Variants in B3GALNT2 observed in about 807,000 individuals in gnomAD.
B3GALNT2 encodes beta-1,3-N-acetylgalactosaminyltransferase 2.
Under a neutral mutation model 61.1 loss-of-function variants are expected in B3GALNT2, and 53 were observed. The observed-to-expected ratio is 0.87, with a 90% confidence interval of 0.70 to 1.09. The LOEUF is 1.09. B3GALNT2 is among the 50% of genes least tolerant of loss of function. The pLI is 0.00. For missense variants in B3GALNT2, 544 were observed against 623.0 expected (o/e 0.87, Z 1.35); for synonymous variants, 223 against 237.4 (o/e 0.94, Z 0.56).
At chr1:235,455,715 T>A (rs1044997362) in intron 8 of B3GALNT2, 31 bp from the exon 9 acceptor site, 2 of 1,593,410 alleles carry the variant, frequency 1.3e-6, no homozygotes, top group Non-Finnish European at 1.7e-6. Context: ...AGAAAGTCAG[T>A]GCGACCAAAC....
At chr1:235,503,998 G>A in intron 1 of B3GALNT2, 143 bp downstream of exon 1, 1 of 945,042 alleles carries the variant, frequency 1.1e-6, no homozygotes, top group East Asian at 3.9e-5. Flanking sequence ...CTCCAAGGAT[G>A]AAAAGAGCCG....
chr1:235,477,038 AT>A (rs1485582313), intron 5 of B3GALNT2, among the ~76,000 whole-genome samples: 7 of 151,632 alleles, frequency 4.6e-5, no homozygotes, highest in Non-Finnish European at 8.8e-5. Flanking sequence ...AAAAAAAAAA[AT>A]AAGTAAATAA....
rs1683283961 is a variant in B3GALNT2 at position 235,458,783 on chromosome 1, CCTT to C, written c.842_844del (p.Glu281del). 1.3e-6 allele frequency: 2 copies of C among 1,577,910 alleles called. No individual in the cohort carries two copies. Among genetic ancestry groups the C allele is most frequent in the African/African-American group, 2.7e-5 (2 of 72,966 alleles). On this transcript the variant is annotated inframe_deletion and splice_region_variant, in exon 8 of 12. Transcript: ENST00000366600. The stretch of plus-strand genomic sequence containing the variant: ...ATGAAGGTTGTGTAAGAGAGCATCA[CCTT>C]CTATAAAGGAAAAGTTGAGAGTTGG...
At chr1:235,442,422 G>T (rs536034401), downstream of B3GALNT2, among the ~76,000 whole-genome samples, 2 of 152,116 alleles carry the variant, frequency 1.3e-5, no homozygotes, top group African/African-American at 4.8e-5. Context: ...CACCCGCCTC[G>T]GCCTCCCAAA....
rs916678249 is a variant in B3GALNT2 at position 235,447,435 on chromosome 1, A to G, written c.*2771T>C. On this transcript the variant is annotated 3_prime_UTR_variant, in exon 12 of 12. Coordinates refer to ENST00000366600, the MANE Select transcript of B3GALNT2 (RefSeq NM_152490.5). Reference sequence around the variant, plus strand: ...AACCCGTCTTTGGAAAGAAGTTCATAGTGTATTCTGAACAAACCAAAGCAT... The same window carrying G: ...AACCCGTCTTTGGAAAGAAGTTCATGGTGTATTCTGAACAAACCAAAGCAT... 1.8e-4 allele frequency among the ~76,000 whole-genome samples: 27 copies of G among 152,350 alleles called. No individual in the cohort carries two copies. Among genetic ancestry groups the G allele is most frequent in the African/African-American group, 6.5e-4 (27 of 41,582 alleles).
Position 235,484,531 on chromosome 1 carries a change from AG to A in B3GALNT2, c.362-17del, listed in dbSNP as rs1440435631. On this transcript the variant is annotated splice_polypyrimidine_tract_variant and intron_variant, in intron 3 of 11. Coordinates refer to ENST00000366600, the MANE Select transcript of B3GALNT2 (RefSeq NM_152490.5). ...TGATTCAAAACTAAGTAATGAGAAC[AG>A]GTTTATATAACTGAACAAATGTAAT... 2 of 1,611,950 alleles carry A rather than the reference AG, an allele frequency of 1.2e-6. No homozygotes were observed. The highest frequency in any genetic ancestry group is 1.7e-6 in the Non-Finnish European group (2 of 1,178,908).
intron 4 of B3GALNT2, among the ~76,000 whole-genome samples, chr1:235,482,660 A>C (rs557630026): frequency 6.6e-6 from 1 of 152,216 alleles, no homozygotes; most frequent in South Asian, 2.1e-4. Flanking sequence ...GAGTTCCTAC[A>C]ATGAATTATT....
intron 4 of B3GALNT2, among the ~76,000 whole-genome samples, chr1:235,481,125 T>C (rs1684547036): frequency 6.6e-6 from 1 of 152,050 alleles, no homozygotes. Context: ...TTATGTCTAT[T>C]TCTTTCATGA....
chr1:235,494,542 A>C, intron 2 of B3GALNT2, 139 bp downstream of exon 2: 1 of 894,738 alleles, frequency 1.1e-6, no homozygotes, highest in Non-Finnish European at 1.7e-6. Flanking sequence ...CTGCAGCCTC[A>C]ATTTTCCAAG....
At chr1:235,471,229 C>T (rs919606558) in intron 5 of B3GALNT2, among the ~76,000 whole-genome samples, 1 of 152,104 alleles carries the variant, frequency 6.6e-6, no homozygotes, top group Non-Finnish European at 1.5e-5. Context: ...AAAGCATTTC[C>T]TTATGTTGTT....
chr1:235,474,946 G>C (rs1684166057), intron 5 of B3GALNT2, among the ~76,000 whole-genome samples: 1 of 92,198 alleles, frequency 1.1e-5, no homozygotes, highest in Non-Finnish European at 2.0e-5. Flanking sequence ...CATAAAATTA[G>C]AGACATATAT....
chr1:235,466,529 A>AT (rs1440455444), intron 6 of B3GALNT2, among the ~76,000 whole-genome samples: 2 of 151,270 alleles, frequency 1.3e-5, no homozygotes, highest in African/African-American at 4.9e-5. Context: ...ATATTTATAA[A>AT]TTTTTTGTAG....
chr1:235,448,428 T>C lies in B3GALNT2; in HGVS notation c.*1778A>G. The C allele has an allele frequency of 6.2e-7, 1 of 1,614,078 alleles. No homozygotes were observed. On this transcript the variant is annotated 3_prime_UTR_variant, in exon 12 of 12. Transcript: ENST00000366600. ...CTGTGTCAGACCTTCTGTTGTCCTA[T>C]GAAAGTCCCAAAGTAAGTTGCCCAG...
Position 235,454,257 on chromosome 1 carries a change from T to G in B3GALNT2, c.1210A>C (p.Ser404Arg). Residue 404 changes from serine to arginine, a missense_variant, in exon 10 of 12, where the codon AGC becomes CGC. Ser to Arg is a moderately radical substitution (Grantham distance 110). Transcript: ENST00000366600. ...CATGCAAAGGCAGGGTAAGCGGGGC[T>G]CGGGTACTCCAACTCCTGCCACTTT... ...TGKWQELEYP[S>R]PAYPAFACGS... 6.2e-7 allele frequency: 1 copy of G among 1,613,268 alleles called. No individual in the cohort carries two copies. Among genetic ancestry groups the G allele is most frequent in the East Asian group, 2.2e-5 (1 of 44,858 alleles).
In B3GALNT2 at chr1:235,448,375, G is replaced by A. The variant is rs1172654809; in HGVS notation, c.*1831C>T. On this transcript the variant is annotated 3_prime_UTR_variant, in exon 12 of 12. Coordinates refer to ENST00000366600, the MANE Select transcript of B3GALNT2 (RefSeq NM_152490.5). The stretch of plus-strand genomic sequence containing the variant: ...CTCCATGACAATTCAAAAGGTGAAG[G>A]GATTGCTGTCACGTCTTCTCAAAGT... The A allele has an allele frequency of 6.2e-7, 1 of 1,614,100 alleles. No individual in the cohort carries two copies. The highest frequency in any genetic ancestry group is 1.1e-5 in the South Asian group (1 of 91,082).
At chr1:235,455,489 T>A in intron 9 of B3GALNT2, 70 bp downstream of exon 9, 12 of 1,493,734 alleles carry the variant, frequency 8.0e-6, no homozygotes, top group Non-Finnish European at 1.1e-5. Flanking sequence ...AAAAAAAAGA[T>A]ATTTTATGCT....
At chr1:235,491,785 C>T (rs896004862) in intron 2 of B3GALNT2, among the ~76,000 whole-genome samples, 6 of 151,620 alleles carry the variant, frequency 4.0e-5, no homozygotes, top group African/African-American at 1.5e-4. Flanking sequence ...GATCTGCTCA[C>T]TGTCTGCCTC....
chr1:235,466,545 A>G (rs1683706821), intron 6 of B3GALNT2, among the ~76,000 whole-genome samples: 1 of 151,756 alleles, frequency 6.6e-6, no homozygotes, highest in East Asian at 1.9e-4. Context: ...TGTAGAGAAG[A>G]GGTCTCACTG....
At chr1:235,467,130 C>T (rs1014431840) in intron 6 of B3GALNT2, among the ~76,000 whole-genome samples, 9 of 152,224 alleles carry the variant, frequency 5.9e-5, no homozygotes, top group Admixed American at 1.3e-4. Flanking sequence ...GGGCGGATCA[C>T]GAGGACAAGA....
Sources: allele counts gnomAD v4.1 joint callset (sites outside exome capture counted in the v4.1 genomes callset), GRCh38; gene constraint gnomAD v4.1.1; transcripts MANE v1.5; gene names NCBI Gene and HGNC (gene_info 2026-07-23, HGNC 2026-07-21).